The following SLC9A2 variants were observed in gnomAD, a reference collection of about 807,000 sequenced individuals.
SLC9A2 encodes the protein sodium/hydrogen exchanger 2.
Under a neutral mutation model 71.7 loss-of-function variants are expected in SLC9A2, and 42 were observed. That is an observed-to-expected ratio of 0.59 (90% confidence interval 0.46 to 0.76). SLC9A2 has a LOEUF of 0.76. Among genes scored for constraint, SLC9A2 ranks in the 30% least tolerant of loss-of-function variants. SLC9A2 has a pLI of 0.00. For synonymous variants in SLC9A2, 396 were observed against 392.5 expected (o/e 1.01, Z -0.10); for missense variants, 829 against 1,017.4 (o/e 0.81, Z 2.52).
intron 2 of SLC9A2, among the ~76,000 whole-genome samples, chr2:102,658,982 A>G (rs1676999384): frequency 6.6e-6 from 1 of 152,240 alleles, no homozygotes; most frequent in Non-Finnish European, 1.5e-5. Flanking sequence ...TCAGGTCTCT[A>G]TAACAAATTA....
Position 102,665,311 on chromosome 2 carries a change from A to G in SLC9A2, c.965A>G (p.Tyr322Cys), listed in dbSNP as rs748332755. The stretch of plus-strand genomic sequence containing the variant: ...GTTTTCCTGTACAGTTATTTGTCCT[A>G]CATCACAGCTGAAATGTTTCACCTC... ...LFVFLYSYLS[Y>C]ITAEMFHLSG... is the part of the protein sequence containing the mutation. The change falls in exon 3 of 12, where the codon TAC (tyrosine) becomes TGC (cysteine). Residue 322 changes from tyrosine (Y) to cysteine (C), a missense_variant. By Grantham distance (194) the Tyr-to-Cys change is radical (BLOSUM62 -2). Around this residue, in one of 3 missense-constraint regions of SLC9A2, gnomAD observed 500 missense variants for 726.3 expected, o/e 0.69. Coordinates refer to ENST00000233969, the MANE Select transcript of SLC9A2 (RefSeq NM_003048.6). 1.2e-6 allele frequency: 2 copies of G among 1,614,026 alleles called. No individual in the cohort carries two copies. The highest frequency in any genetic ancestry group is 1.7e-6 in the Non-Finnish European group (2 of 1,179,912).
chr2:102,655,724 C>T (rs1394429791), intron 1 of SLC9A2, among the ~76,000 whole-genome samples: 2 of 152,222 alleles, frequency 1.3e-5, no homozygotes, highest in African/African-American at 2.4e-5. Context: ...CTGTCCTACT[C>T]TGTTCCTGTT....
intron 9 of SLC9A2, among the ~76,000 whole-genome samples, chr2:102,703,890 T>A (rs1247408659): frequency 6.6e-6 from 1 of 152,194 alleles, no homozygotes; most frequent in Non-Finnish European, 1.5e-5. Flanking sequence ...TCTCTTCATG[T>A]AACAACCCAG....
Position 102,711,149 on chromosome 2 carries a change from A to G in SLC9A2, c.*2660A>G, listed in dbSNP as rs1245123195. The G allele has an allele frequency of 6.6e-6, 1 of 152,358 alleles. No homozygotes were observed. Among genetic ancestry groups the G allele is most frequent in the African/African-American group, 2.4e-5 (1 of 41,452 alleles). 9.4% of individuals were successfully genotyped at this position (152,358 alleles called of 1,614,324 possible). A position where few individuals can be genotyped will look rare whatever the true frequency, so the allele number is the denominator to read the frequency against. On this transcript the variant is annotated 3_prime_UTR_variant, in exon 12 of 12. Coordinates refer to ENST00000233969, the MANE Select transcript of SLC9A2 (RefSeq NM_003048.6). The stretch of plus-strand genomic sequence containing the variant: ...GCGGTGAGGGTATTGATTTACATAA[A>G]AACTGTAGACAAACACAGTACGAGT...
chr2:102,627,387 G>A (rs1035280020), intron 1 of SLC9A2, among the ~76,000 whole-genome samples: 2 of 152,152 alleles, frequency 1.3e-5, no homozygotes, highest in Non-Finnish European at 2.9e-5. Context: ...CAAGTGAATT[G>A]ATGGTTTTGG....
chr2:102,674,820 C>T (rs926858262), intron 3 of SLC9A2, among the ~76,000 whole-genome samples: 1 of 152,336 alleles, frequency 6.6e-6, no homozygotes, highest in Admixed American at 6.5e-5. Context: ...AAGCATTTCT[C>T]TCTCTCAACT....
intron 1 of SLC9A2, among the ~76,000 whole-genome samples, chr2:102,655,406 G>A (rs376981651): frequency 3.9e-5 from 6 of 151,936 alleles, no homozygotes; most frequent in South Asian, 4.2e-4. Flanking sequence ...CACCTGCCTC[G>A]GCCTCCCAAA....
chr2:102,695,918 G>A (rs1432630140), intron 7 of SLC9A2, among the ~76,000 whole-genome samples: 1 of 150,580 alleles, frequency 6.6e-6, no homozygotes, highest in African/African-American at 2.5e-5. Flanking sequence ...AAGGCTCTGT[G>A]TTGGATAAAT....
intron 3 of SLC9A2, among the ~76,000 whole-genome samples, chr2:102,668,582 TA>T (rs1362026751): frequency 6.6e-6 from 1 of 152,180 alleles, no homozygotes; most frequent in East Asian, 1.9e-4. Flanking sequence ...AAACCAATTT[TA>T]AGGTTAATGA....
intron 1 of SLC9A2, among the ~76,000 whole-genome samples, chr2:102,631,995 GATATAT>G (rs59553931): frequency 0.043 from 1,868 of 43,112 alleles, 109 homozygotes; most frequent in East Asian, 0.1. Flanking sequence ...TGAAAGTGGG[GATATAT>G]ATATATATAT....
intron 3 of SLC9A2, among the ~76,000 whole-genome samples, chr2:102,681,798 A>G (rs564540587): frequency 6.6e-6 from 1 of 152,300 alleles, no homozygotes; most frequent in East Asian, 1.9e-4. Flanking sequence ...TGAAGTCTTC[A>G]TTTTGTTTTA....
At chr2:102,662,599 A>G (rs1316654610) in intron 2 of SLC9A2, among the ~76,000 whole-genome samples, 1 of 152,166 alleles carries the variant, frequency 6.6e-6, no homozygotes, top group Non-Finnish European at 1.5e-5. Flanking sequence ...CAGCAGCTTC[A>G]GCTGTGCCTT....
intron 11 of SLC9A2, among the ~76,000 whole-genome samples, chr2:102,706,466 C>A (rs554358932): frequency 1.3e-5 from 2 of 151,866 alleles, no homozygotes; most frequent in African/African-American, 4.8e-5. Flanking sequence ...AGGAGATATA[C>A]CTAATGTAAA....
At chr2:102,659,671 T>G (rs1677015429) in intron 2 of SLC9A2, among the ~76,000 whole-genome samples, 1 of 152,204 alleles carries the variant, frequency 6.6e-6, no homozygotes, top group Non-Finnish European at 1.5e-5. Flanking sequence ...AAAATCCGCT[T>G]CATATATTCC....
intron 11 of SLC9A2, among the ~76,000 whole-genome samples, chr2:102,707,882 C>G (rs1243450015): frequency 6.6e-6 from 1 of 152,212 alleles, no homozygotes; most frequent in Non-Finnish European, 1.5e-5. Flanking sequence ...AGGACAGTGC[C>G]TGGCACACAG....
At chr2:102,678,273 A>G (rs1329789312) in intron 3 of SLC9A2, among the ~76,000 whole-genome samples, 1 of 151,872 alleles carries the variant, frequency 6.6e-6, no homozygotes, top group East Asian at 1.9e-4. Flanking sequence ...TGCTCAGAAA[A>G]TGTTGGTTGA....
At position 102,675,023 on chromosome 2, in the gene SLC9A2, A is replaced by G. The variant is rs76518321; in HGVS notation, c.1005-8238A>G. On this transcript the variant is annotated intron_variant, in intron 3 of 11. Coordinates refer to ENST00000233969, the MANE Select transcript of SLC9A2 (RefSeq NM_003048.6). ...TGTGATTGGCCCTGGGGTTTGGAGAACTGTCATGGGATCAGACTGTGTCAC... is the reference window on the plus strand; with the variant it reads ...TGTGATTGGCCCTGGGGTTTGGAGAGCTGTCATGGGATCAGACTGTGTCAC... Among the ~76,000 whole-genome samples, 1,512 of 152,334 alleles carry G rather than the reference A, an allele frequency of 9.9e-3. 27 individuals carry two copies. The highest frequency in any genetic ancestry group is 0.032 in the African/African-American group (1,325 of 41,570).
At chr2:102,694,308 A>T (rs1677712351) in intron 5 of SLC9A2, 106 bp from the exon 6 acceptor site, 1 of 297,088 alleles carries the variant, frequency 3.4e-6, no homozygotes, top group Admixed American at 5.1e-5. Context: ...TTACCCTTGA[A>T]TATTAAAATG....
chr2:102,644,099 C>T (rs1000734843), intron 1 of SLC9A2, among the ~76,000 whole-genome samples: 2 of 151,874 alleles, frequency 1.3e-5, no homozygotes, highest in African/African-American at 2.4e-5. Flanking sequence ...ATGCAGAAGG[C>T]GGGTGATATC....
Sources: gnomAD v4.1 joint callset for allele counts (sites outside exome capture counted in the v4.1 genomes callset) on GRCh38, gnomAD v4.1.1 for gene constraint, gnomAD v4.1.1 regional missense constraint, MANE v1.5 for transcripts, NCBI Gene and HGNC (gene_info 2026-07-23, HGNC 2026-07-21) for gene names.